CDS1: variants seen among roughly 807,000 people sequenced by gnomAD.
CDS1 encodes CDP-diacylglycerol synthase 1.
CDS1 carries 41 observed loss-of-function variants against 62.1 expected under a neutral mutation model. That is an observed-to-expected ratio of 0.66 (90% confidence interval 0.51 to 0.86). The LOEUF is 0.86. Ranked by LOEUF, CDS1 falls within the 40% of genes least tolerant of loss-of-function variation. The pLI, the probability that CDS1 is intolerant of heterozygous loss-of-function variation, is 0.00. For missense variants in CDS1, 470 were observed against 550.1 expected (o/e 0.85, Z 1.46); for synonymous variants, 185 against 192.6 (o/e 0.96, Z 0.32).
intron 1 of CDS1, among the ~76,000 whole-genome samples, chr4:84,598,052 G>A (rs1389093630): frequency 6.6e-6 from 1 of 151,614 alleles, no homozygotes; most frequent in Non-Finnish European, 1.5e-5. Context: ...CGTGAACCCG[G>A]GAGGCAGAGA....
chr4:84,627,137 A>C (rs995008025), intron 5 of CDS1, among the ~76,000 whole-genome samples: 2 of 152,220 alleles, frequency 1.3e-5, no homozygotes, highest in Non-Finnish European at 2.9e-5. Flanking sequence ...ACAGTGGTCA[A>C]ATGACTTCAG....
At chr4:84,619,087 T>A (rs1205138939) in intron 4 of CDS1, among the ~76,000 whole-genome samples, 1 of 91,382 alleles carries the variant, frequency 1.1e-5, no homozygotes, top group East Asian at 4.0e-4. Context: ...ACACACACAC[T>A]GCTCCCGCCT....
In CDS1 at chr4:84,601,774, CTGGTGGGGCA is replaced by C. The variant is rs548143898; in HGVS notation, c.118-2467_118-2458del. Among the ~76,000 whole-genome samples, 208 of 151,898 alleles carry C rather than the reference CTGGTGGGGCA, an allele frequency of 1.4e-3. 1 individual carries two copies. Among genetic ancestry groups the C allele is most frequent in the African/African-American group, 4.8e-3 (198 of 41,402 alleles). Reference sequence around the variant, plus strand: ...CTAAAAATACAAAAATTAGCCGGGCCTGGTGGGGCATACCTGTAATCCCAGCAACACGGGA... The same window carrying C: ...CTAAAAATACAAAAATTAGCCGGGCCTACCTGTAATCCCAGCAACACGGGA... On this transcript the variant is annotated intron_variant, in intron 1 of 12. Coordinates refer to ENST00000295887, the MANE Select transcript of CDS1 (RefSeq NM_001263.4).
At chr4:84,602,108 A>G (rs1227539224) in intron 1 of CDS1, among the ~76,000 whole-genome samples, 6 of 152,154 alleles carry the variant, frequency 3.9e-5, no homozygotes, top group African/African-American at 1.4e-4. Context: ...AACAGAGTCT[A>G]TACATTAAAT....
intron 10 of CDS1, among the ~76,000 whole-genome samples, chr4:84,642,700 T>A (rs1017041110): frequency 1.7e-4 from 26 of 152,114 alleles, no homozygotes; most frequent in Non-Finnish European, 2.5e-4. Flanking sequence ...TTTAAAAAAA[T>A]TTGGAAAATA....
chr4:84,583,489 G>T lies in CDS1; in HGVS notation c.88G>T (p.Asp30Tyr). The part of the protein sequence containing the change: ...PHREGEAAGG[D>Y]HETESTSDKE... ...CCGCGAGGGAGAGGCGGCCGGCGGCGACCACGAAACCGAGAGCACCAGCGA... is the reference window on the plus strand; with the variant it reads ...CCGCGAGGGAGAGGCGGCCGGCGGCTACCACGAAACCGAGAGCACCAGCGA... Residue 30 changes from aspartate to tyrosine, a missense_variant, in exon 1 of 13, where the codon GAC becomes TAC. Around this residue, in one of 5 missense-constraint regions of CDS1, gnomAD observed 150 missense variants for 142.0 expected, o/e 1.06. Transcript: ENST00000295887. The T allele has an allele frequency of 6.4e-7, 1 of 1,550,960 alleles. No individual in the cohort carries two copies. The highest frequency in any genetic ancestry group is 1.2e-5 in the South Asian group (1 of 84,602).
In CDS1 at chr4:84,648,725, T is replaced by C. The variant is rs1300163975; in HGVS notation, c.*39T>C. 3.2e-6 allele frequency: 5 copies of C among 1,575,112 alleles called. No homozygotes were observed. Among genetic ancestry groups the C allele is most frequent in the Middle Eastern group, 1.7e-4 (1 of 5,920 alleles). On this transcript the variant is annotated 3_prime_UTR_variant, in exon 13 of 13. Coordinates refer to ENST00000295887, the MANE Select transcript of CDS1 (RefSeq NM_001263.4). ...GGGAAGGACTGACAAGAAGGAATTA[T>C]TCAGAAAAACACTGACAGATGTTTT...
chr4:84,633,429 A>G (rs1036558570), intron 6 of CDS1, among the ~76,000 whole-genome samples: 3 of 152,228 alleles, frequency 2.0e-5, no homozygotes, highest in African/African-American at 7.2e-5. Flanking sequence ...GGAAAAAGTT[A>G]CCGTAATAAA....
chr4:84,597,536 G>A lies in CDS1; in HGVS notation c.118-6707G>A, dbSNP rs568683888. ...CACCTGTAGTCCCAGCTGCTTGAGT[G>A]GCTGAGGTGGGAGGATCGCTTGAGC... On this transcript the variant is annotated intron_variant, in intron 1 of 12. Transcript: ENST00000295887. Among the ~76,000 whole-genome samples the A allele has an allele frequency of 1.8e-4, 27 of 152,260 alleles. No individual in the cohort carries two copies. The South Asian group carries it at 4.8e-3, about 27-fold the overall frequency.
chr4:84,604,349 C>G lies in CDS1; in HGVS notation c.224C>G (p.Ala75Gly). Reference sequence around the variant, plus strand: ...AGAACCCCTGAGATTCTCAAAAAAGCTCTATCTGGTTTATCTTCAAGGTAT... The same window carrying G: ...AGAACCCCTGAGATTCTCAAAAAAGGTCTATCTGGTTTATCTTCAAGGTAT... ...SDRTPEILKK[A>G]LSGLSSRWKN... Residue 75 changes from alanine to glycine, a missense_variant, in exon 2 of 13, where the codon GCT becomes GGT. Physicochemically the swap from Ala to Gly is moderately conservative, Grantham distance 60 (BLOSUM62 0). Transcript: ENST00000295887. 1 of 1,613,158 alleles carries G rather than the reference C, an allele frequency of 6.2e-7. No individual in the cohort carries two copies. Among genetic ancestry groups the G allele is most frequent in the Non-Finnish European group, 8.5e-7 (1 of 1,179,396 alleles).
At chr4:84,597,137 T>C (rs1257612549) in intron 1 of CDS1, among the ~76,000 whole-genome samples, 1 of 152,198 alleles carries the variant, frequency 6.6e-6, no homozygotes, top group African/African-American at 2.4e-5. Context: ...TAACTCCTGA[T>C]TGGATTAGTA....
intron 1 of CDS1, among the ~76,000 whole-genome samples, chr4:84,597,708 C>T (rs576897272): frequency 6.6e-6 from 1 of 152,288 alleles, no homozygotes; most frequent in South Asian, 2.1e-4. Context: ...ACTCTTCGTT[C>T]ACCAAACTGC....
At chr4:84,594,023 A>G (rs1722673472) in intron 1 of CDS1, among the ~76,000 whole-genome samples, 1 of 152,118 alleles carries the variant, frequency 6.6e-6, no homozygotes, top group Non-Finnish European at 1.5e-5. Flanking sequence ...CTGGGGCCTG[A>G]TAAATTTTAC....
At chr4:84,600,109 G>A (rs1168429871) in intron 1 of CDS1, among the ~76,000 whole-genome samples, 1 of 152,102 alleles carries the variant, frequency 6.6e-6, no homozygotes, top group Non-Finnish European at 1.5e-5. Context: ...TTGTGATTTT[G>A]ACTTGCATTG....
Position 84,648,558 on chromosome 4 carries a change from G to T in CDS1, c.1258G>T (p.Gly420Cys), listed in dbSNP as rs746035576. Residue 420 changes from glycine to cysteine, a missense_variant and splice_region_variant, in exon 13 of 13, where the codon GGC becomes TGC. Gly to Cys is a radical substitution (Grantham distance 159). Transcript: ENST00000295887. Reference sequence around the variant, plus strand: ...GTCTTCTTTGCCTTTTATCATTAGGGGCCCAAATCCCAGCAAAGTGCTACA... The same window carrying T: ...GTCTTCTTTGCCTTTTATCATTAGGTGCCCAAATCCCAGCAAAGTGCTACA... ...VHVYITSFIRGPNPSKVLQQL... is the reference protein window; with the variant it reads ...VHVYITSFIRCPNPSKVLQQL... 12 of 1,611,350 alleles carry T rather than the reference G, an allele frequency of 7.4e-6. No homozygotes were observed. In the South Asian group the frequency reaches 1.1e-4, roughly 15 times the overall value.
At chr4:84,622,718 C>T (rs34855553) in intron 5 of CDS1, among the ~76,000 whole-genome samples, 25,508 of 152,040 alleles carry the variant, frequency 0.17, 2,453 homozygotes, top group South Asian at 0.37. Context: ...AAACAGCAAC[C>T]CTGCACCCCA....
chr4:84,641,095 A>G, intron 10 of CDS1, 105 bp downstream of exon 10: 1 of 761,174 alleles, frequency 1.3e-6, no homozygotes, highest in Non-Finnish European at 1.8e-6. Flanking sequence ...TGTTGTTTTG[A>G]GACAGAGTTT....
At position 84,630,283 on chromosome 4, in the gene CDS1, T is replaced by G. The variant is rs140398941; in HGVS notation, c.581-1536T>G. Reference sequence around the variant, plus strand: ...TCTTTCTCTCTTTCCTTTCTCTCAATAAAGTGACATAATGGCTTTCATTTG... The same window carrying G: ...TCTTTCTCTCTTTCCTTTCTCTCAAGAAAGTGACATAATGGCTTTCATTTG... On this transcript the variant is annotated intron_variant, in intron 5 of 12. Transcript: ENST00000295887. 6.2e-3 allele frequency among the ~76,000 whole-genome samples: 948 copies of G among 152,318 alleles called. 9 individuals are homozygous for G. In the Middle Eastern group the frequency reaches 0.065, roughly 10 times the overall value.
intron 11 of CDS1, among the ~76,000 whole-genome samples, chr4:84,644,202 T>C (rs1463591747): frequency 6.6e-6 from 1 of 152,104 alleles, no homozygotes; most frequent in African/African-American, 2.4e-5. Flanking sequence ...TATACAAAAA[T>C]ATACAAGATG....
Sources: gnomAD v4.1 joint callset for allele counts (sites outside exome capture counted in the v4.1 genomes callset) on GRCh38, gnomAD v4.1.1 for gene constraint, gnomAD v4.1.1 regional missense constraint, MANE v1.5 for transcripts, NCBI Gene and HGNC (gene_info 2026-07-23, HGNC 2026-07-21) for gene names.